The following CNTRL variants were observed in gnomAD, a reference collection of about 807,000 sequenced individuals.
CNTRL encodes the protein centriolin.
Under a neutral mutation model 303.7 loss-of-function variants are expected in CNTRL, and 233 were observed. The ratio of observed to expected loss-of-function variants is 0.77; its 90% CI spans 0.69 to 0.86. The LOEUF (loss-of-function observed/expected upper bound fraction) is 0.86, where lower values mean the gene tolerates loss of function less well. Among genes scored for constraint, CNTRL ranks in the 40% least tolerant of loss-of-function variants. The pLI is 0.00. For missense variants in CNTRL, 2,524 were observed against 2,650.6 expected, an observed-to-expected ratio of 0.95 and a Z score of 1.05; for synonymous variants, 900 against 922.2, an observed-to-expected ratio of 0.98 and a Z score of 0.44.
At chr9:121,111,291 C>G (rs1398530587) in intron 8 of CNTRL, 1 of 152,144 alleles carries the variant, frequency 6.6e-6, no homozygotes, top group African/African-American at 2.4e-5. Flanking sequence ...TATTTAACTT[C>G]TCTGTGCAGC....
At chr9:121,160,418 T>A (rs2052791410) in intron 32 of CNTRL, 116 bp downstream of exon 32, 1 of 649,438 alleles carries the variant, frequency 1.5e-6, no homozygotes, top group Admixed American at 3.2e-5. Context: ...TTACTGCTAA[T>A]AAGCAAAGCA....
At position 121,088,369 on chromosome 9, in the gene CNTRL, A is replaced by G. The variant is rs1470338984; in HGVS notation, c.43A>G (p.Ile15Val). 7 of 1,613,716 alleles carry G rather than the reference A, an allele frequency of 4.3e-6. No individual in the cohort carries two copies. Among genetic ancestry groups the G allele is most frequent in the African/African-American group, 4.0e-5 (3 of 75,046 alleles). Residue 15 changes from isoleucine to valine, a missense_variant, in exon 3 of 44, where the codon ATA becomes GTA. Ile to Val is a conservative substitution (Grantham distance 29). Transcript: ENST00000373855. ...SQQKIFSKAK[I>V]PSSSHSPIPS... ...ACAAAAAATATTCTCCAAAGCAAAG[A>G]TACCATCATCATCTCACTCTCCTAT...
chr9:121,168,392 T>A, intron 38 of CNTRL, 71 bp downstream of exon 38: 2 of 1,398,734 alleles, frequency 1.4e-6, no homozygotes, highest in South Asian at 2.4e-5. Flanking sequence ...TGCAAAAGTA[T>A]TTAAAGAGAT....
intron 7 of CNTRL, among the ~76,000 whole-genome samples, chr9:121,100,199 C>T (rs2049087098): frequency 6.6e-6 from 1 of 152,252 alleles, no homozygotes; most frequent in South Asian, 2.1e-4. Context: ...ATCAGACTAA[C>T]AGCCGATCTC....
intron 32 of CNTRL, among the ~76,000 whole-genome samples, chr9:121,160,661 A>G (rs905843935): frequency 1.3e-5 from 2 of 152,306 alleles, no homozygotes; most frequent in Middle Eastern, 3.4e-3. Flanking sequence ...AAGTATGTAC[A>G]TCGCAGCAAT....
At chr9:121,166,218 A>G in intron 36 of CNTRL, 38 bp downstream of exon 36, 14 of 1,398,298 alleles carry the variant, frequency 1.0e-5, no homozygotes, top group Non-Finnish European at 1.4e-5. Context: ...TAGTATACTG[A>G]GGGTATGCAG....
At chr9:121,150,132 C>G (rs1411911849) in intron 24 of CNTRL, 38 bp from the exon 25 acceptor site, 1 of 1,534,376 alleles carries the variant, frequency 6.5e-7, no homozygotes, top group Non-Finnish European at 8.8e-7. Context: ...GTAAAACACT[C>G]TTTTGTTGAA....
chr9:121,148,937 A>G, intron 24 of CNTRL, 76 bp downstream of exon 24: 1 of 1,363,940 alleles, frequency 7.3e-7, no homozygotes, highest in Non-Finnish European at 1.0e-6. Context: ...TGAAACCCCT[A>G]AGACACAATC....
chr9:121,113,407 A>G lies in CNTRL; in HGVS notation c.1123-95A>G, dbSNP rs1055502669. ...TGTAGAATTTATATAAACTTGAGCA[A>G]TTCTGTGATATGTTTGCCACTAATA... On this transcript the variant is annotated intron_variant, in intron 9 of 43. Transcript: ENST00000373855. 11 of 617,674 alleles carry G rather than the reference A, an allele frequency of 1.8e-5. No homozygotes were observed. The African/African-American group carries it at 1.9e-4, about 11-fold the overall frequency. The allele number at this position is 617,674 out of a possible 1,614,324, so 38.3% of individuals were successfully genotyped here. A position where few individuals can be genotyped will look rare whatever the true frequency, so the allele number is the denominator to read the frequency against.
intron 32 of CNTRL, chr9:121,161,173 C>T: frequency 2.5e-6 from 1 of 394,878 alleles, no homozygotes; most frequent in South Asian, 1.0e-4. Flanking sequence ...CACACACATG[C>T]ATTCTTAGAA....
rs192941725 is a variant in CNTRL, at chr9:121,079,579, A to G, written c.-204-727A>G. On this transcript the variant is annotated intron_variant, in intron 1 of 43. Transcript: ENST00000373855. ...CTATCAAAAGTGTCTTGGATTTTGG[A>G]TTTTTTCGGATTTTGGAATATTTGC... is the stretch of plus-strand genomic sequence containing the variant. 6.0e-4 allele frequency among the ~76,000 whole-genome samples: 91 copies of G among 151,920 alleles called. 1 individual carries two copies. The highest frequency in any genetic ancestry group is 1.2e-3 in the Admixed American group (18 of 15,258).
chr9:121,094,997 A>G lies in CNTRL; in HGVS notation c.458A>G (p.Asn153Ser), dbSNP rs761812644. ...AAGCTGTTAAAATTACGTGAACTCAACTTATCATATAACAAAATCAGGTGA... is the reference window on the plus strand; with the variant it reads ...AAGCTGTTAAAATTACGTGAACTCAGCTTATCATATAACAAAATCAGGTGA... ...LDKLLKLREL[N>S]LSYNKISKIE... The change falls in exon 5 of 44, where the codon AAC (asparagine) becomes AGC (serine). Residue 153 changes from asparagine (N) to serine (S), a missense_variant. Coordinates refer to ENST00000373855, the MANE Select transcript of CNTRL (RefSeq NM_007018.6). 9 of 1,605,546 alleles carry G rather than the reference A, an allele frequency of 5.6e-6. No individual in the cohort carries two copies. The South Asian group carries it at 7.8e-5, about 14-fold the overall frequency.
intron 34 of CNTRL, among the ~76,000 whole-genome samples, chr9:121,163,106 G>A (rs1216028415): frequency 6.6e-5 from 10 of 151,314 alleles, no homozygotes; most frequent in African/African-American, 1.2e-4. Flanking sequence ...TTGGGAGGCC[G>A]AGGCAGGAGG....
At chr9:121,089,969 G>T (rs2048491434) in intron 3 of CNTRL, among the ~76,000 whole-genome samples, 1 of 151,832 alleles carries the variant, frequency 6.6e-6, no homozygotes, top group African/African-American at 2.4e-5. Flanking sequence ...TATCATCTTT[G>T]TATCATTATA....
At chr9:121,104,827 A>C (rs1394514852) in intron 7 of CNTRL, among the ~76,000 whole-genome samples, 2 of 150,398 alleles carry the variant, frequency 1.3e-5, no homozygotes, top group African/African-American at 2.4e-5. Context: ...TCAGCCTTCC[A>C]AGTAACTGGG....
intron 28 of CNTRL, 48 bp downstream of exon 28, chr9:121,157,648 A>G: frequency 6.2e-7 from 1 of 1,605,566 alleles, no homozygotes; most frequent in South Asian, 1.1e-5. Flanking sequence ...GATGAATGAA[A>G]AGTTTGCTTC....
Position 121,125,929 on chromosome 9 carries a change from T to C in CNTRL, c.2018T>C (p.Met673Thr), listed in dbSNP as rs2050495791. The C allele has an allele frequency of 6.2e-7, 1 of 1,613,698 alleles. No homozygotes were observed. Among genetic ancestry groups the C allele is most frequent in the Non-Finnish European group, 8.5e-7 (1 of 1,179,572 alleles). ...ATAGTTGCCATGGATGCAGAAAATA[T>C]GAGGAAGGTATGATTTTTTTCCTGC... ...LEIVAMDAEN[M>T]RKELAELESA... Residue 673 changes from methionine to threonine, a missense_variant, in exon 14 of 44, where the codon ATG becomes ACG. Met to Thr is a moderately conservative substitution (Grantham distance 81, BLOSUM62 -1). Transcript: ENST00000373855.
chr9:121,160,108 A>G lies in CNTRL; in HGVS notation c.4930-35A>G, dbSNP rs377217222. 682 of 1,394,112 alleles carry G rather than the reference A, an allele frequency of 4.9e-4. 2 individuals are homozygous for G. Among genetic ancestry groups the G allele is most frequent in the Non-Finnish European group, 6.0e-4 (632 of 1,059,204 alleles). 86.4% of individuals were successfully genotyped at this position (1,394,112 alleles called of 1,614,324 possible). ...TTTGAAGTAATTTTCATTTACAGTC[A>G]CAGGAGGGAATAACTTTTTTTTTTT... is the stretch of plus-strand genomic sequence containing the variant. On this transcript the variant is annotated intron_variant, in intron 31 of 43. Transcript: ENST00000373855.
chr9:121,157,461 C>G lies in CNTRL; in HGVS notation c.4366-9C>G, dbSNP rs191183253. On this transcript the variant is annotated splice_polypyrimidine_tract_variant and intron_variant, in intron 27 of 43. Transcript: ENST00000373855. ...ACTGAATGGCTTTTAATGACAGTTT[C>G]TTTTCTAGACAAAAAATGCTGTTGA... 6.2e-7 allele frequency: 1 copy of G among 1,612,138 alleles called. No homozygotes were observed. Among genetic ancestry groups the G allele is most frequent in the East Asian group, 2.2e-5 (1 of 44,858 alleles).
Sources: gnomAD v4.1 joint callset for allele counts (sites outside exome capture counted in the v4.1 genomes callset) on GRCh38, gnomAD v4.1.1 for gene constraint, MANE v1.5 for transcripts, NCBI Gene and HGNC (gene_info 2026-07-23, HGNC 2026-07-21) for gene names.